HECW2: variants seen among roughly 807,000 people sequenced by gnomAD.
The protein encoded by HECW2 is HECT, C2 and WW domain containing E3 ubiquitin protein ligase 2, also known as E3 ubiquitin-protein ligase HECW2.
A neutral mutation model predicts 175.2 loss-of-function variants in HECW2; 61 were observed. That is an observed-to-expected ratio of 0.35 (90% CI 0.28 to 0.43). The LOEUF is 0.43. Among genes scored for constraint, HECW2 ranks in the 20% least tolerant of loss-of-function variants. HECW2 has a pLI of 1.00. For synonymous variants in HECW2, 671 were observed against 731.0 expected, an observed-to-expected ratio of 0.92 and a Z score of 1.32; for missense variants, 1,524 against 2,000.5, an observed-to-expected ratio of 0.76 and a Z score of 4.54.
chr2:196,270,063 T>C (rs1689670114), intron 17 of HECW2, among the ~76,000 whole-genome samples: 1 of 152,324 alleles, frequency 6.6e-6, no homozygotes, highest in African/African-American at 2.4e-5. Context: ...GATCAGTATT[T>C]GGGAATCACT....
intron 2 of HECW2, among the ~76,000 whole-genome samples, chr2:196,381,871 T>C (rs1171748404): frequency 2.0e-5 from 3 of 152,196 alleles, no homozygotes; most frequent in African/African-American, 7.2e-5. Context: ...AAAACACTAA[T>C]GTGATTTAAA....
At chr2:196,506,290 T>G (rs1359207581) in intron 1 of HECW2, among the ~76,000 whole-genome samples, 1 of 152,178 alleles carries the variant, frequency 6.6e-6, no homozygotes, top group Non-Finnish European at 1.5e-5. Flanking sequence ...TTCTGAATGT[T>G]TATGAGGCTT....
intron 1 of HECW2, among the ~76,000 whole-genome samples, chr2:196,448,739 C>T (rs1696259998): frequency 6.6e-6 from 1 of 152,146 alleles, no homozygotes; most frequent in Non-Finnish European, 1.5e-5. Context: ...AGAAGCCCAT[C>T]ACCTTGTTGA....
intron 1 of HECW2, among the ~76,000 whole-genome samples, chr2:196,472,963 T>C (rs1378303807): frequency 6.6e-6 from 1 of 152,184 alleles, no homozygotes; most frequent in East Asian, 1.9e-4. Context: ...ACATGCACAT[T>C]TGTCATATTA....
chr2:196,537,715 A>G (rs1689066948), intron 1 of HECW2, among the ~76,000 whole-genome samples: 1 of 152,218 alleles, frequency 6.6e-6, no homozygotes, highest in Admixed American at 6.5e-5. Context: ...GAACAAATTA[A>G]TCATGTTTAC....
rs564016883 is a variant in HECW2 at position 196,368,312 on chromosome 2, T to C, written c.293-24548A>G. ...CCATTTTAACTGGGGTAAGATGATA[T>C]CTCATTGCAGTTTTGCTGTGCACTT... On this transcript the variant is annotated intron_variant, in intron 2 of 28. Transcript: ENST00000644978. Among the ~76,000 whole-genome samples, 3 of 152,330 alleles carry C rather than the reference T, an allele frequency of 2.0e-5. No homozygotes were observed. The South Asian group carries it at 6.2e-4, about 32-fold the overall frequency.
chr2:196,398,343 A>G (rs993327418), intron 2 of HECW2, among the ~76,000 whole-genome samples: 23 of 152,238 alleles, frequency 1.5e-4, no homozygotes, highest in African/African-American at 5.3e-4. Context: ...GACATATAGT[A>G]AAATGTGACA....
intron 1 of HECW2, among the ~76,000 whole-genome samples, chr2:196,467,878 C>T (rs1270133765): frequency 6.6e-6 from 1 of 152,234 alleles, no homozygotes; most frequent in East Asian, 1.9e-4. Flanking sequence ...AAATTACTTT[C>T]TCTTCTCTTG....
At chr2:196,423,830 T>C (rs1472338751) in intron 2 of HECW2, among the ~76,000 whole-genome samples, 2 of 152,112 alleles carry the variant, frequency 1.3e-5, no homozygotes, top group Non-Finnish European at 2.9e-5. Flanking sequence ...CTCTTCTGTA[T>C]GCTGACTTCA....
At chr2:196,513,723 T>A (rs1688043045) in intron 1 of HECW2, among the ~76,000 whole-genome samples, 2 of 152,148 alleles carry the variant, frequency 1.3e-5, no homozygotes, top group South Asian at 4.1e-4. Context: ...TCCTGGTATA[T>A]AAGTCACATG....
Position 196,491,369 on chromosome 2 carries a change from T to TAC in HECW2, c.-35-57913_-35-57912dup, listed in dbSNP as rs67409257. 7.8e-3 allele frequency among the ~76,000 whole-genome samples: 1,015 copies of TAC among 130,646 alleles called. 8 individuals are homozygous for TAC. Among genetic ancestry groups the TAC allele is most frequent in the African/African-American group, 0.013 (426 of 33,738 alleles). The allele number at this position is 130,646 out of a possible 152,430, so 85.7% of individuals were successfully genotyped here. ...AAACAAATACAAAATCATATATATATACACACACACACACACACACACACA... is the reference window on the plus strand; with the variant it reads ...AAACAAATACAAAATCATATATATATACACACACACACACACACACACACACA... On this transcript the variant is annotated intron_variant, in intron 1 of 28. Transcript: ENST00000644978.
intron 1 of HECW2, among the ~76,000 whole-genome samples, chr2:196,456,912 A>T (rs1696534901): frequency 1.3e-5 from 2 of 152,192 alleles, no homozygotes; most frequent in Admixed American, 6.5e-5. Flanking sequence ...ATACACCAAC[A>T]CATCTAACAC....
At chr2:196,530,115 T>C (rs1008246619) in intron 1 of HECW2, among the ~76,000 whole-genome samples, 1 of 152,218 alleles carries the variant, frequency 6.6e-6, no homozygotes, top group Non-Finnish European at 1.5e-5. Flanking sequence ...ATGGCAACAC[T>C]TGCCTGCAAC....
chr2:196,485,803 T>C (rs979231034), intron 1 of HECW2, among the ~76,000 whole-genome samples: 8 of 151,758 alleles, frequency 5.3e-5, no homozygotes, highest in Admixed American at 3.9e-4. Flanking sequence ...CGTAAAACAA[T>C]AAAAATGAGG....
At chr2:196,523,002 C>A (rs1266737276) in intron 1 of HECW2, among the ~76,000 whole-genome samples, 1 of 151,598 alleles carries the variant, frequency 6.6e-6, no homozygotes, top group Non-Finnish European at 1.5e-5. Context: ...TAGTTTTTTC[C>A]AATTCTGTGA....
intron 1 of HECW2, among the ~76,000 whole-genome samples, chr2:196,554,995 C>T (rs986836298): frequency 1.1e-4 from 16 of 152,116 alleles, no homozygotes; most frequent in Middle Eastern, 3.2e-3. Context: ...CAACACTCTG[C>T]CCTCTACTTT....
At chr2:196,293,535 G>C (rs908473548) in intron 13 of HECW2, among the ~76,000 whole-genome samples, 1 of 152,124 alleles carries the variant, frequency 6.6e-6, no homozygotes, top group African/African-American at 2.4e-5. Flanking sequence ...GGATTGCTGG[G>C]TCAAATGGTA....
chr2:196,571,713 A>C (rs919320620), intron 1 of HECW2, among the ~76,000 whole-genome samples: 3 of 152,046 alleles, frequency 2.0e-5, no homozygotes, highest in African/African-American at 7.3e-5. Context: ...AAAAAAAAAT[A>C]AAAGAAAAAT....
At chr2:196,253,432 T>C (rs574542405) in intron 19 of HECW2, among the ~76,000 whole-genome samples, 2 of 152,374 alleles carry the variant, frequency 1.3e-5, no homozygotes, top group South Asian at 4.1e-4. Flanking sequence ...AGATTGAATG[T>C]ACACATTTCA....
Sources: allele counts gnomAD v4.1 joint callset (sites outside exome capture counted in the v4.1 genomes callset), GRCh38; gene constraint gnomAD v4.1.1; transcripts MANE v1.5; gene names NCBI Gene and HGNC (gene_info 2026-07-23, HGNC 2026-07-21).